The following MYO16 variants were observed in gnomAD, a reference collection of about 807,000 sequenced individuals.
MYO16 encodes the protein unconventional myosin-XVI.
MYO16 carries 94 observed loss-of-function variants against 205.3 expected under a neutral mutation model. That is an observed-to-expected ratio of 0.46 (90% CI 0.39 to 0.54). MYO16 has a LOEUF of 0.54. Among genes scored for constraint, MYO16 ranks in the 20% least tolerant of loss-of-function variants. The probability of loss-of-function intolerance (pLI) is 0.00; values close to 1 mark genes in which losing one functional copy is unlikely to be tolerated. For missense variants in MYO16, 2,315 were observed against 2,387.5 expected (o/e 0.97, Z 0.63); for synonymous variants, 988 against 954.0 (o/e 1.04, Z -0.66).
chr13:108,673,302 T>A (rs1882068316), intron 2 of MYO16, among the ~76,000 whole-genome samples: 1 of 151,948 alleles, frequency 6.6e-6, no homozygotes, highest in African/African-American at 2.4e-5. Context: ...CCAGGAGAAG[T>A]ATTCTTTATG....
the MYO16 span, among the ~76,000 whole-genome samples, chr13:108,548,046 T>C: frequency 1.6e-4 from 24 of 152,360 alleles, no homozygotes; most frequent in South Asian, 1.0e-3. Flanking sequence ...TGCCCTAACA[T>C]ATCTGAGTCC....
At chr13:109,029,245 G>A (rs1886475824) in intron 23 of MYO16, among the ~76,000 whole-genome samples, 1 of 150,456 alleles carries the variant, frequency 6.6e-6, no homozygotes, top group African/African-American at 2.4e-5. Context: ...TTCCCAAGTA[G>A]CTGGGATTAT....
chr13:108,833,844 C>G (rs1282577857), intron 9 of MYO16, among the ~76,000 whole-genome samples: 2 of 151,978 alleles, frequency 1.3e-5, no homozygotes, highest in Non-Finnish European at 2.9e-5. Context: ...AAATCTGTCT[C>G]TACTGTATTA....
intron 31 of MYO16, among the ~76,000 whole-genome samples, chr13:109,134,212 G>A (rs1876667137): frequency 6.6e-6 from 1 of 152,156 alleles, no homozygotes; most frequent in Non-Finnish European, 1.5e-5. Flanking sequence ...CTGATCAATG[G>A]TGTAACTTGT....
intron 16 of MYO16, among the ~76,000 whole-genome samples, chr13:108,952,126 TAAATA>T (rs1883178027): frequency 6.7e-6 from 1 of 148,934 alleles, no homozygotes; most frequent in South Asian, 2.1e-4. Flanking sequence ...AATAAATAAA[TAAATA>T]AATAAATAAA....
At chr13:108,885,611 G>A (rs1015980880) in intron 13 of MYO16, among the ~76,000 whole-genome samples, 1 of 152,236 alleles carries the variant, frequency 6.6e-6, no homozygotes, top group African/African-American at 2.4e-5. Context: ...GTTTAACACT[G>A]TTGACAATAA....
intron 27 of MYO16, among the ~76,000 whole-genome samples, chr13:109,083,950 A>G (rs992278534): frequency 6.6e-6 from 1 of 152,188 alleles, no homozygotes; most frequent in Non-Finnish European, 1.5e-5. Flanking sequence ...GTATCTTTCT[A>G]TTGCAACACA....
chr13:108,771,643 C>A (rs548451171), intron 4 of MYO16, among the ~76,000 whole-genome samples: 2 of 151,386 alleles, frequency 1.3e-5, no homozygotes, highest in Non-Finnish European at 2.9e-5. Flanking sequence ...GTGCTCTGTC[C>A]GTTGATCACC....
At chr13:109,075,618 C>T (rs1475286318) in intron 27 of MYO16, among the ~76,000 whole-genome samples, 1 of 152,084 alleles carries the variant, frequency 6.6e-6, no homozygotes, top group Non-Finnish European at 1.5e-5. Context: ...TCGTGATCTG[C>T]CTGCCCAACC....
intron 9 of MYO16, among the ~76,000 whole-genome samples, chr13:108,836,754 C>A (rs1337530339): frequency 6.6e-6 from 1 of 152,164 alleles, no homozygotes; most frequent in Non-Finnish European, 1.5e-5. Context: ...GTATTTTGGA[C>A]TTGCATGGGG....
intron 7 of MYO16, among the ~76,000 whole-genome samples, chr13:108,815,917 A>G (rs897979421): frequency 6.6e-6 from 1 of 152,220 alleles, no homozygotes; most frequent in Non-Finnish European, 1.5e-5. Context: ...CTATAAATCT[A>G]TACACATAAA....
chr13:108,968,166 C>A (rs1210923559), intron 20 of MYO16, among the ~76,000 whole-genome samples: 1 of 152,228 alleles, frequency 6.6e-6, no homozygotes, highest in Non-Finnish European at 1.5e-5. Flanking sequence ...GTGCTCTCCT[C>A]ACCGTGTCTT....
chr13:108,698,811 C>T (rs1566557167), intron 2 of MYO16, among the ~76,000 whole-genome samples: 2 of 152,264 alleles, frequency 1.3e-5, no homozygotes, highest in African/African-American at 4.8e-5. Context: ...TTTAAGCTTT[C>T]GTCCTGTCCC....
At position 108,975,315 on chromosome 13, in the gene MYO16, T is replaced by C. The variant is rs184733896; in HGVS notation, c.2369+10413T>C. ...GTGTGTGTGCTTGGGGCTCTATGTG[T>C]AAATGCTTGTGATTATTTTATTCTC... On this transcript the variant is annotated intron_variant, in intron 20 of 34. Transcript: ENST00000457511. Among the ~76,000 whole-genome samples, 86 of 152,268 alleles carry C rather than the reference T, an allele frequency of 5.6e-4. 1 individual carries two copies. The highest frequency in any genetic ancestry group is 4.4e-5 in the Non-Finnish European group (3 of 68,012).
In MYO16 at chr13:108,755,694, A is replaced by G. The variant is rs146400558; in HGVS notation, c.507+28111A>G. ...TAATTTTAAAGAATGGCTGGATTTT[A>G]TATTCTTCAAATCTGCTTTTTTGAT... On this transcript the variant is annotated intron_variant, in intron 4 of 34. Coordinates refer to ENST00000457511, the MANE Select transcript of MYO16 (RefSeq NM_001198950.3). 3.9e-5 allele frequency among the ~76,000 whole-genome samples: 6 copies of G among 152,260 alleles called. No homozygotes were observed. In the East Asian group the frequency reaches 1.2e-3, roughly 29 times the overall value.
At chr13:109,111,796 C>T (rs1240337995) in intron 28 of MYO16, among the ~76,000 whole-genome samples, 1 of 151,954 alleles carries the variant, frequency 6.6e-6, no homozygotes, top group East Asian at 1.9e-4. Context: ...AAGCAATTCT[C>T]CTGCCTCAGC....
At chr13:108,559,546 T>TCACTGCAA in the MYO16 span, among the ~76,000 whole-genome samples, 1 of 143,394 alleles carries the variant, frequency 7.0e-6, no homozygotes, top group Non-Finnish European at 1.5e-5. Flanking sequence ...TGATCTGGGC[T>TCACTGCAA]CACTGCAAGC....
chr13:108,865,347 A>G (rs911823359), intron 11 of MYO16, among the ~76,000 whole-genome samples: 2 of 152,200 alleles, frequency 1.3e-5, no homozygotes, highest in African/African-American at 4.8e-5. Context: ...TTAGTCTTCT[A>G]GAAATTTAGA....
At chr13:108,499,099 A>G in the MYO16 span, among the ~76,000 whole-genome samples, 1 of 152,362 alleles carries the variant, frequency 6.6e-6, no homozygotes, top group East Asian at 1.9e-4. Flanking sequence ...GTGCTTTCAG[A>G]ACATGGTTGA....
Sources: allele counts gnomAD v4.1 joint callset (sites outside exome capture counted in the v4.1 genomes callset), GRCh38; gene constraint gnomAD v4.1.1; transcripts MANE v1.5; gene names NCBI Gene and HGNC (gene_info 2026-07-23, HGNC 2026-07-21).